PTPRC: variants seen among roughly 807,000 people sequenced by gnomAD.
The protein encoded by PTPRC is protein tyrosine phosphatase receptor type C, also known as receptor-type tyrosine-protein phosphatase C.
In PTPRC, 44 loss-of-function variants were observed where a neutral mutation model predicts 155.9. The ratio of observed to expected loss-of-function variants is 0.28; its 90% CI spans 0.22 to 0.36. PTPRC has a LOEUF of 0.36. Among genes scored for constraint, PTPRC ranks in the 10% least tolerant of loss-of-function variants. PTPRC has a pLI of 1.00. For synonymous variants in PTPRC, 525 were observed against 533.1 expected (o/e 0.98, Z 0.21); for missense variants, 1,401 against 1,564.6 (o/e 0.90, Z 1.76).
chr1:198,726,417 G>C (rs4483440), intron 15 of PTPRC, among the ~76,000 whole-genome samples: 92,066 of 151,940 alleles, frequency 0.61, 28,248 homozygotes, highest in African/African-American at 0.66. Context: ...TCACATTCAT[G>C]TATCCCATCC....
At chr1:198,749,614 G>T in intron 28 of PTPRC, 65 bp downstream of exon 28, 1 of 1,495,006 alleles carries the variant, frequency 6.7e-7, no homozygotes. Context: ...TGTTATTAGG[G>T]CCATTCATTA....
chr1:198,742,062 A>AC, intron 24 of PTPRC, 36 bp downstream of exon 24: 4 of 1,608,060 alleles, frequency 2.5e-6, no homozygotes, highest in Non-Finnish European at 3.4e-6. Flanking sequence ...AACAACAACA[A>AC]AAAAACTCCA....
chr1:198,734,999 C>A, intron 22 of PTPRC, 128 bp from the exon 23 acceptor site: 2 of 822,762 alleles, frequency 2.4e-6, no homozygotes, highest in South Asian at 1.8e-5. Context: ...TTTATATGTG[C>A]TTAAACTATA....
chr1:198,751,649 T>A (rs1227062841), intron 29 of PTPRC, among the ~76,000 whole-genome samples: 1 of 152,120 alleles, frequency 6.6e-6, no homozygotes, highest in African/African-American at 2.4e-5. Flanking sequence ...CAGGACTCCC[T>A]GTCTTTGTCA....
intron 2 of PTPRC, among the ~76,000 whole-genome samples, chr1:198,686,599 TC>T (rs147190594): frequency 0.017 from 2,548 of 152,334 alleles, 66 homozygotes; most frequent in African/African-American, 0.058. Context: ...ACATGTGCCC[TC>T]TTAATTTCCA....
Position 198,658,517 on chromosome 1 carries a change from T to A in PTPRC, c.73+19176T>A, listed in dbSNP as rs74134767. Among the ~76,000 whole-genome samples the A allele has an allele frequency of 3.6e-3, 546 of 152,282 alleles. 2 individuals carry two copies. The highest frequency in any genetic ancestry group is 0.013 in the African/African-American group (527 of 41,560). On this transcript the variant is annotated intron_variant, in intron 2 of 32. Coordinates refer to ENST00000442510, the MANE Select transcript of PTPRC (RefSeq NM_002838.5). ...GATAACGTAGAATGTTTACCATGAT[T>A]TATCAGTCTCTCCTATATAAGAAAA...
rs550785501 is a variant in PTPRC, at chr1:198,752,829, C to T, written c.3509+57C>T. On this transcript the variant is annotated intron_variant, in intron 31 of 32. Transcript: ENST00000442510. ...AATCATAATGCTTGACTTCTCGGTTCACATGTTGTCTTATCTAGTTATCCT... is the reference window on the plus strand; with the variant it reads ...AATCATAATGCTTGACTTCTCGGTTTACATGTTGTCTTATCTAGTTATCCT... The T allele has an allele frequency of 1.6e-4, 254 of 1,558,760 alleles. 2 individuals carry two copies. In the African/African-American group the frequency reaches 3.1e-3, roughly 19 times the overall value.
At chr1:198,722,365 T>A (rs754077244) in intron 14 of PTPRC, 51 bp from the exon 15 acceptor site, 59 of 890,664 alleles carry the variant, frequency 6.6e-5, no homozygotes, top group Admixed American at 2.4e-4. Flanking sequence ...TATATATATA[T>A]AAATTCACAT....
At chr1:198,691,694 T>A (rs1665935643) in intron 2 of PTPRC, among the ~76,000 whole-genome samples, 1 of 152,092 alleles carries the variant, frequency 6.6e-6, no homozygotes, top group South Asian at 2.1e-4. Context: ...AGCTTCTTAT[T>A]CTTCTGGGAC....
intron 27 of PTPRC, 135 bp downstream of exon 27, chr1:198,748,334 T>A: frequency 8.3e-7 from 1 of 1,201,454 alleles, no homozygotes; most frequent in East Asian, 2.6e-5. Flanking sequence ...GGGAAGAAGT[T>A]ACTAGGTATT....
intron 2 of PTPRC, among the ~76,000 whole-genome samples, chr1:198,665,080 ATTTTTTTTTTT>A (rs574626185): frequency 1.7e-5 from 1 of 59,566 alleles, no homozygotes; most frequent in African/African-American, 7.3e-5. Flanking sequence ...TCCCGGCAGC[ATTTTTTTTTTT>A]TTTTTTTTTT....
chr1:198,744,083 G>A lies in PTPRC; in HGVS notation c.2727G>A (p.Leu909=). 3 of 1,605,418 alleles carry A rather than the reference G, an allele frequency of 1.9e-6. No homozygotes were observed. The highest frequency in any genetic ancestry group is 2.6e-6 in the Non-Finnish European group (3 of 1,172,982). The change falls in exon 26 of 33, where the codon TTG becomes TTA. Residue 909 remains leucine (L), a synonymous_variant. Coordinates refer to ENST00000442510, the MANE Select transcript of PTPRC (RefSeq NM_002838.5). ...EAQYILIHQA[L]VEYNQFGETE... is the part of the protein sequence containing the mutation. Reference sequence around the variant, plus strand: ...AGTACATCTTGATCCATCAGGCTTTGGTGGAATACAATCAGTTTGGAGAAA... The same window carrying A: ...AGTACATCTTGATCCATCAGGCTTTAGTGGAATACAATCAGTTTGGAGAAA...
chr1:198,722,973 A>G (rs1571870919), intron 15 of PTPRC, among the ~76,000 whole-genome samples: 1 of 152,030 alleles, frequency 6.6e-6, no homozygotes, highest in African/African-American at 2.4e-5. Context: ...GTAAAGGTGT[A>G]CATGAAAAAT....
chr1:198,682,335 C>G (rs1020875836), intron 2 of PTPRC, among the ~76,000 whole-genome samples: 3 of 152,190 alleles, frequency 2.0e-5, no homozygotes, highest in African/African-American at 7.2e-5. Flanking sequence ...TTTGTGCAGC[C>G]TCAGCAGACA....
At chr1:198,639,995 G>A (rs556001295) in intron 2 of PTPRC, among the ~76,000 whole-genome samples, 17 of 151,970 alleles carry the variant, frequency 1.1e-4, no homozygotes, top group African/African-American at 2.7e-4. Context: ...TGGAGCCACC[G>A]CCCTTCCTGG....
chr1:198,716,606 A>C, intron 12 of PTPRC, 76 bp from the exon 13 acceptor site: 2 of 1,322,020 alleles, frequency 1.5e-6, no homozygotes, highest in Non-Finnish European at 2.2e-6. Context: ...AATGTGATGT[A>C]GAGACCAAAT....
chr1:198,665,408 T>C (rs1664234363), intron 2 of PTPRC, among the ~76,000 whole-genome samples: 1 of 152,092 alleles, frequency 6.6e-6, no homozygotes, highest in Non-Finnish European at 1.5e-5. Flanking sequence ...TTTGTCAAAG[T>C]TGTCAAAGTC....
chr1:198,732,519 A>G lies in PTPRC; in HGVS notation c.2105A>G (p.Asp702Gly). The change falls in exon 20 of 33, where the codon GAT becomes GGT. Residue 702 changes from aspartate to glycine, a missense_variant. By Grantham distance (94) the Asp-to-Gly change is moderately conservative (BLOSUM62 -1). Around this residue, in one of 3 missense-constraint regions of PTPRC, gnomAD observed 867 missense variants for 970.4 expected, o/e 0.89. Coordinates refer to ENST00000442510, the MANE Select transcript of PTPRC (RefSeq NM_002838.5). ...GTTGAACTCTCTGAGATAAACGGAG[A>G]TGCAGGGTCAAACTACATAAATGCC... ...NRVELSEING[D>G]AGSNYINASY... 1 of 1,611,058 alleles carries G rather than the reference A, an allele frequency of 6.2e-7. No homozygotes were observed.
chr1:198,660,393 A>G (rs1260533876), intron 2 of PTPRC, among the ~76,000 whole-genome samples: 1 of 151,944 alleles, frequency 6.6e-6, no homozygotes, highest in East Asian at 1.9e-4. Context: ...TTGCACATTT[A>G]TCTTTTGTGC....
Sources: gnomAD v4.1 joint callset for allele counts (sites outside exome capture counted in the v4.1 genomes callset) on GRCh38, gnomAD v4.1.1 for gene constraint, gnomAD v4.1.1 regional missense constraint, MANE v1.5 for transcripts, NCBI Gene and HGNC (gene_info 2026-07-23, HGNC 2026-07-21) for gene names.